DGKG: variants seen among roughly 807,000 people sequenced by gnomAD.
The protein encoded by DGKG is DAG kinase gamma.
DGKG carries 78 observed loss-of-function variants against 105.3 expected under a neutral mutation model. That is an observed-to-expected ratio of 0.74 (90% CI 0.62 to 0.89). DGKG has a LOEUF of 0.89. Among genes scored for constraint, DGKG ranks in the 40% least tolerant of loss-of-function variants. The pLI is 0.00. For missense variants in DGKG, 958 were observed against 1,020.1 expected, an observed-to-expected ratio of 0.94 and a Z score of 0.83; for synonymous variants, 346 against 367.1, an observed-to-expected ratio of 0.94 and a Z score of 0.66.
intron 21 of DGKG, among the ~76,000 whole-genome samples, chr3:186,190,516 A>T (rs1717855866): frequency 6.6e-6 from 1 of 152,138 alleles, no homozygotes; most frequent in South Asian, 2.1e-4. Context: ...CCTTATCCTT[A>T]TTATCCAATT....
intron 13 of DGKG, among the ~76,000 whole-genome samples, chr3:186,267,384 A>G (rs1055437867): frequency 6.6e-6 from 1 of 152,240 alleles, no homozygotes. Context: ...TTTCAAGCAC[A>G]TACTGAAAGC....
chr3:186,154,345 G>C (rs1715921303), intron 24 of DGKG, among the ~76,000 whole-genome samples: 2 of 151,396 alleles, frequency 1.3e-5, no homozygotes, highest in Non-Finnish European at 1.5e-5. Context: ...AGAGGCCTTC[G>C]AATGTAAATG....
intron 1 of DGKG, among the ~76,000 whole-genome samples, chr3:186,338,155 G>A (rs1198007816): frequency 7.7e-5 from 11 of 141,964 alleles, no homozygotes; most frequent in Non-Finnish European, 1.4e-4. Flanking sequence ...AGGCAACAGA[G>A]TGAGACCCTA....
chr3:186,330,366 T>C (rs1725545232), intron 1 of DGKG, among the ~76,000 whole-genome samples: 1 of 152,224 alleles, frequency 6.6e-6, no homozygotes, highest in Non-Finnish European at 1.5e-5. Flanking sequence ...ATTGTGGTCG[T>C]CATTTACATT....
chr3:186,333,328 A>G (rs1725687073), intron 1 of DGKG, among the ~76,000 whole-genome samples: 1 of 152,180 alleles, frequency 6.6e-6, no homozygotes, highest in Non-Finnish European at 1.5e-5. Flanking sequence ...TGTAAGGAAC[A>G]GGACTAAGAA....
At chr3:186,300,512 T>C (rs959416769) in intron 3 of DGKG, among the ~76,000 whole-genome samples, 1 of 152,210 alleles carries the variant, frequency 6.6e-6, no homozygotes, top group African/African-American at 2.4e-5. Flanking sequence ...AATTGTTCTG[T>C]TTTGGTTCTC....
chr3:186,204,318 G>C, intron 21 of DGKG, among the ~76,000 whole-genome samples: 1 of 152,236 alleles, frequency 6.6e-6, no homozygotes, highest in Admixed American at 6.5e-5. Flanking sequence ...AAGTAGGAGA[G>C]TCACTTGAAC....
chr3:186,153,390 T>G (rs1034695715), intron 24 of DGKG, among the ~76,000 whole-genome samples: 4 of 152,178 alleles, frequency 2.6e-5, no homozygotes, highest in Non-Finnish European at 5.9e-5. Context: ...CACCCAAGCT[T>G]CTTTGGTAAT....
chr3:186,214,469 CA>C (rs1560098750), intron 20 of DGKG, among the ~76,000 whole-genome samples: 2 of 151,748 alleles, frequency 1.3e-5, no homozygotes, highest in African/African-American at 2.4e-5. Context: ...TATAGTGAGG[CA>C]AAAATGACAG....
At chr3:186,193,566 C>T (rs1169968559) in intron 21 of DGKG, among the ~76,000 whole-genome samples, 2 of 152,254 alleles carry the variant, frequency 1.3e-5, no homozygotes, top group African/African-American at 4.8e-5. Flanking sequence ...CGCACGCCTG[C>T]GTGCCCATTC....
At chr3:186,338,169 C>CAAAAAAA (rs34436386) in intron 1 of DGKG, among the ~76,000 whole-genome samples, 3 of 75,788 alleles carry the variant, frequency 4.0e-5, no homozygotes, top group African/African-American at 4.5e-5. Context: ...GACCCTATCT[C>CAAAAAAA]AAAAAAAAAA....
At chr3:186,319,848 C>G (rs1724997924) in intron 2 of DGKG, among the ~76,000 whole-genome samples, 1 of 152,192 alleles carries the variant, frequency 6.6e-6, no homozygotes, top group Non-Finnish European at 1.5e-5. Context: ...CCCAAGCCTT[C>G]CCAAAACAAA....
intron 23 of DGKG, among the ~76,000 whole-genome samples, chr3:186,163,858 C>G (rs879659442): frequency 6.6e-6 from 1 of 152,100 alleles, no homozygotes; most frequent in East Asian, 1.9e-4. Context: ...GGAGAATAGA[C>G]AGGCCTCAAG....
Position 186,297,923 on chromosome 3 carries a change from G to C in DGKG, c.310+141C>G, listed in dbSNP as rs556707684. The C allele has an allele frequency of 3.3e-6, 3 of 915,342 alleles. No individual in the cohort carries two copies. In the East Asian group the frequency reaches 7.8e-5, roughly 24 times the overall value. 56.7% of individuals were successfully genotyped at this position (915,342 alleles called of 1,614,324 possible). On this transcript the variant is annotated intron_variant, in intron 4 of 24. Coordinates refer to ENST00000265022, the MANE Select transcript of DGKG (RefSeq NM_001346.3). ...CTTCCCGTAAGGCACTATGAGGAAAGGCGTCCCTGTCCCTTGGTTCATGTT... is the reference window on the plus strand; with the variant it reads ...CTTCCCGTAAGGCACTATGAGGAAACGCGTCCCTGTCCCTTGGTTCATGTT...
intron 20 of DGKG, among the ~76,000 whole-genome samples, chr3:186,238,425 T>C (rs542113773): frequency 1.3e-5 from 2 of 152,168 alleles, no homozygotes; most frequent in East Asian, 3.9e-4. Context: ...CTATATCACC[T>C]ATGAAATGTA....
rs73885823 is a variant in DGKG at position 186,269,939 on chromosome 3, C to T, written c.1000-1022G>A. 9.6e-3 allele frequency among the ~76,000 whole-genome samples: 1,456 copies of T among 152,156 alleles called. 33 individuals carry two copies. Among genetic ancestry groups the T allele is most frequent in the African/African-American group, 0.032 (1,347 of 41,486 alleles). On this transcript the variant is annotated intron_variant, in intron 11 of 24. Coordinates refer to ENST00000265022, the MANE Select transcript of DGKG (RefSeq NM_001346.3). ...GTCTGGGAGGCTGAACCCTCAGTTC[C>T]CTCCCCCTGGAATTCTCACCAAAAT...
intron 22 of DGKG, among the ~76,000 whole-genome samples, chr3:186,182,414 C>G (rs1445825224): frequency 6.6e-6 from 1 of 152,158 alleles, no homozygotes; most frequent in Admixed American, 6.5e-5. Context: ...CAAAACAAGG[C>G]TGAGGGAGGG....
At chr3:186,312,124 A>C (rs1445932115) in intron 2 of DGKG, among the ~76,000 whole-genome samples, 3 of 43,462 alleles carry the variant, frequency 6.9e-5, no homozygotes, top group Non-Finnish European at 1.3e-4. Context: ...CTCCGTCTCA[A>C]AAAAAAAAAA....
intron 1 of DGKG, among the ~76,000 whole-genome samples, chr3:186,346,153 C>T (rs1481848204): frequency 6.6e-6 from 1 of 152,246 alleles, no homozygotes; most frequent in Non-Finnish European, 1.5e-5. Flanking sequence ...ATCTTTTACA[C>T]TGTCACTTCC....
Sources: allele counts gnomAD v4.1 joint callset (sites outside exome capture counted in the v4.1 genomes callset), GRCh38; gene constraint gnomAD v4.1.1; transcripts MANE v1.5; gene names NCBI Gene and HGNC (gene_info 2026-07-23, HGNC 2026-07-21).